MINDY3: variants seen among roughly 807,000 people sequenced by gnomAD.
MINDY3 encodes MINDY lysine 48 deubiquitinase 3, also known as ubiquitin carboxyl-terminal hydrolase MINDY-3.
A neutral mutation model predicts 69.2 loss-of-function variants in MINDY3; 38 were observed. The ratio of observed to expected loss-of-function variants is 0.55; its 90% CI spans 0.42 to 0.72. The LOEUF (loss-of-function observed/expected upper bound fraction) is 0.72. Among genes scored for constraint, MINDY3 ranks in the 30% least tolerant of loss-of-function variants. The probability of loss-of-function intolerance (pLI) is 0.00; values close to 1 mark genes in which losing one functional copy is unlikely to be tolerated. For missense variants in MINDY3, 522 were observed against 519.0 expected (o/e 1.01, Z -0.06); for synonymous variants, 192 against 180.1 (o/e 1.07, Z -0.53).
At chr10:15,844,307 G>C (rs1833682132) in intron 2 of MINDY3, among the ~76,000 whole-genome samples, 1 of 152,144 alleles carries the variant, frequency 6.6e-6, no homozygotes, top group Non-Finnish European at 1.5e-5. Context: ...CAACCATCAA[G>C]TAGAAAAGTA....
At chr10:15,812,259 T>C (rs1300102176) in intron 10 of MINDY3, among the ~76,000 whole-genome samples, 1 of 152,204 alleles carries the variant, frequency 6.6e-6, no homozygotes, top group Non-Finnish European at 1.5e-5. Context: ...ATTTATTCTA[T>C]AAATTTCAAT....
intron 11 of MINDY3, among the ~76,000 whole-genome samples, chr10:15,795,512 G>C (rs1433466285): frequency 1.3e-5 from 2 of 152,048 alleles, no homozygotes; most frequent in Admixed American, 6.6e-5. Flanking sequence ...AGTTATACTT[G>C]AAAGGTCAGT....
intron 10 of MINDY3, among the ~76,000 whole-genome samples, chr10:15,800,802 G>A (rs1329936218): frequency 1.3e-5 from 2 of 152,148 alleles, no homozygotes; most frequent in Non-Finnish European, 2.9e-5. Flanking sequence ...AGCCATTGCT[G>A]CAGCCATACA....
rs192863109 is a variant in MINDY3, at chr10:15,823,253, T to C, written c.731-1527A>G. ...TACAGGCACAGATCAGGTAGAGCAA[T>C]GGTTCTTCAATTGTGGTTTAGGATT... On this transcript the variant is annotated intron_variant, in intron 8 of 14. Transcript: ENST00000277632. Among the ~76,000 whole-genome samples the C allele has an allele frequency of 2.0e-5, 3 of 152,324 alleles. No individual in the cohort carries two copies. In the East Asian group the frequency reaches 5.8e-4, roughly 29 times the overall value.
At chr10:15,833,749 GT>G in intron 7 of MINDY3, 40 bp from the exon 8 acceptor site, 1 of 1,273,798 alleles carries the variant, frequency 7.9e-7, no homozygotes, top group Non-Finnish European at 1.1e-6. Flanking sequence ...TATGAATATA[GT>G]TGCCAAATCA....
chr10:15,784,820 T>C (rs1836827514), intron 13 of MINDY3, among the ~76,000 whole-genome samples: 1 of 152,172 alleles, frequency 6.6e-6, no homozygotes, highest in Admixed American at 6.6e-5. Flanking sequence ...AAAAGGAGTG[T>C]TGAGTCACTA....
intron 8 of MINDY3, among the ~76,000 whole-genome samples, chr10:15,826,123 T>TG (rs1343384700): frequency 6.6e-6 from 1 of 152,062 alleles, no homozygotes; most frequent in East Asian, 1.9e-4. Context: ...TAGTACGAAA[T>TG]GAAGATGGAT....
chr10:15,841,015 C>T (rs1833430197), intron 4 of MINDY3, among the ~76,000 whole-genome samples: 2 of 151,334 alleles, frequency 1.3e-5, no homozygotes, highest in African/African-American at 2.4e-5. Context: ...GAAATGTCCC[C>T]ATCTTTGCTC....
intron 10 of MINDY3, among the ~76,000 whole-genome samples, chr10:15,807,961 GTAT>G (rs1564478613): frequency 6.6e-6 from 1 of 152,178 alleles, no homozygotes; most frequent in Non-Finnish European, 1.5e-5. Context: ...AAAAGCTTTA[GTAT>G]TATTGTGGTA....
chr10:15,846,259 A>G (rs1833835460), intron 2 of MINDY3, among the ~76,000 whole-genome samples: 1 of 152,224 alleles, frequency 6.6e-6, no homozygotes, highest in South Asian at 2.1e-4. Context: ...ATAAAACAGG[A>G]AACTCCTGTG....
intron 8 of MINDY3, among the ~76,000 whole-genome samples, chr10:15,826,604 A>C (rs1840101792): frequency 6.6e-6 from 1 of 152,228 alleles, no homozygotes; most frequent in Admixed American, 6.5e-5. Flanking sequence ...GGAATAGATA[A>C]TGTAGAAAAG....
intron 10 of MINDY3, among the ~76,000 whole-genome samples, chr10:15,805,172 C>T (rs912232123): frequency 3.0e-4 from 46 of 151,900 alleles, no homozygotes; most frequent in Non-Finnish European, 5.2e-4. Flanking sequence ...TTAACAAATC[C>T]GTCAAGCTTT....
rs1279707302 is a variant in MINDY3 at position 15,778,280 on chromosome 10, A to G, written c.*712T>C. 1 of 152,250 alleles carries G rather than the reference A, an allele frequency of 6.6e-6. No individual in the cohort carries two copies. Among genetic ancestry groups the G allele is most frequent in the Non-Finnish European group, 1.5e-5 (1 of 68,054 alleles). The allele number at this position is 152,250 out of a possible 1,614,324, so 9.4% of individuals were successfully genotyped here. A position where few individuals can be genotyped will look rare whatever the true frequency, so the allele number is the denominator to read the frequency against. On this transcript the variant is annotated 3_prime_UTR_variant, in exon 15 of 15. Transcript: ENST00000277632. ...TCATGCATTTATCGTGTTTATAAAT[A>G]TAGAAGAAAGCTGGCTTACAGGGCT...
At chr10:15,819,204 C>CG (rs975478671) in intron 9 of MINDY3, among the ~76,000 whole-genome samples, 1 of 152,090 alleles carries the variant, frequency 6.6e-6, no homozygotes, top group African/African-American at 2.4e-5. Context: ...TATCAAAGCA[C>CG]GGGGAAATGT....
At chr10:15,790,635 C>T (rs1317929805) in intron 11 of MINDY3, among the ~76,000 whole-genome samples, 1 of 152,104 alleles carries the variant, frequency 6.6e-6, no homozygotes, top group Non-Finnish European at 1.5e-5. Flanking sequence ...TGTTTATAGG[C>T]TATATCCATT....
intron 1 of MINDY3, among the ~76,000 whole-genome samples, chr10:15,852,153 G>A (rs1040531641): frequency 6.6e-6 from 1 of 152,112 alleles, no homozygotes; most frequent in Non-Finnish European, 1.5e-5. Context: ...TGTAGTTATT[G>A]TTTGTTTACT....
chr10:15,852,453 A>G (rs749253065), intron 1 of MINDY3, among the ~76,000 whole-genome samples: 5 of 152,190 alleles, frequency 3.3e-5, no homozygotes, highest in Non-Finnish European at 5.9e-5. Context: ...GTTAAAGTGA[A>G]TGAGAACTTG....
At chr10:15,836,601 T>C (rs994382844) in intron 6 of MINDY3, among the ~76,000 whole-genome samples, 1 of 151,474 alleles carries the variant, frequency 6.6e-6, no homozygotes, top group African/African-American at 2.4e-5. Flanking sequence ...GAGACTGGTA[T>C]TTGGGGAAAA....
At chr10:15,839,705 C>G (rs556404793) in intron 4 of MINDY3, among the ~76,000 whole-genome samples, 1 of 151,380 alleles carries the variant, frequency 6.6e-6, no homozygotes, top group Non-Finnish European at 1.5e-5. Flanking sequence ...GATTGTTACA[C>G]GGAATAAAAA....
Sources: allele counts gnomAD v4.1 joint callset (sites outside exome capture counted in the v4.1 genomes callset), GRCh38; gene constraint gnomAD v4.1.1; transcripts MANE v1.5; gene names NCBI Gene and HGNC (gene_info 2026-07-23, HGNC 2026-07-21).